The following RNASEH2A variants were observed in gnomAD, a reference collection of about 807,000 sequenced individuals.
RNASEH2A encodes the protein ribonuclease H2 subunit A, also known as RNase H(35).
In RNASEH2A, 30 loss-of-function variants were observed where a neutral mutation model predicts 32.7. The ratio of observed to expected loss-of-function variants is 0.92; its 90% CI spans 0.69 to 1.25. The LOEUF is 1.25. Ranked by LOEUF, RNASEH2A falls within the 50% of genes most tolerant of loss-of-function variation. The pLI, the probability that RNASEH2A is intolerant of heterozygous loss-of-function variation, is 0.00. For missense variants in RNASEH2A, 409 were observed against 398.1 expected (o/e 1.03, Z -0.23); for synonymous variants, 147 against 165.4 (o/e 0.89, Z 0.86).
Position 12,807,267 on chromosome 19 carries a change from C to T in RNASEH2A, c.261C>T (p.Asp87=), listed in dbSNP as rs776835503. The T allele has an allele frequency of 6.2e-7, 1 of 1,614,090 alleles. No individual in the cohort carries two copies. Among genetic ancestry groups the T allele is most frequent in the Non-Finnish European group, 8.5e-7 (1 of 1,180,054 alleles). ...TGTTTGCGAAAATGGAGGACACGGA[C>T]TTTGTCGGCTGGGCGCTGGATGTGC... is the stretch of plus-strand genomic sequence containing the variant. ...ERLFAKMEDT[D]FVGWALDVLS... is the part of the protein sequence containing the mutation. Residue 87 remains aspartate, a synonymous_variant, in exon 3 of 8, where the codon GAC becomes GAT. Coordinates refer to ENST00000221486, the MANE Select transcript of RNASEH2A (RefSeq NM_006397.3).
chr19:12,808,158 A>G (rs1433609106), intron 4 of RNASEH2A, among the ~76,000 whole-genome samples: 1 of 152,096 alleles, frequency 6.6e-6, no homozygotes, highest in African/African-American at 2.4e-5. Context: ...AGGCCGAGGC[A>G]GAAGAATTGC....
chr19:12,807,529 C>G, intron 4 of RNASEH2A, 23 bp downstream of exon 4: 2 of 1,595,166 alleles, frequency 1.3e-6, no homozygotes, highest in African/African-American at 1.3e-5. Context: ...TAAGTTGTCC[C>G]CATTTGGTCA....
At chr19:12,806,840 G>T (rs1455395456) in intron 1 of RNASEH2A, 40 bp downstream of exon 1, 2 of 1,592,288 alleles carry the variant, frequency 1.3e-6, no homozygotes, top group Admixed American at 3.6e-5. Flanking sequence ...GCGTGGTACG[G>T]AGGATGCGGG....
chr19:12,806,716 C>T lies in RNASEH2A; in HGVS notation c.43C>T (p.Arg15Cys), dbSNP rs780005912. ...GGAGAGAGACAATACAGGCCGCTGT[C>T]GCCTGAGTTCGCCTGTGCCCGCGGT... ...ELERDNTGRC[R>C]LSSPVPAVCR... The change falls in exon 1 of 8, where the codon CGC becomes TGC. Residue 15 changes from arginine (R) to cysteine (C), a missense_variant. Coordinates refer to ENST00000221486, the MANE Select transcript of RNASEH2A (RefSeq NM_006397.3). 1 of 1,567,470 alleles carries T rather than the reference C, an allele frequency of 6.4e-7. No homozygotes were observed. Among genetic ancestry groups the T allele is most frequent in the Non-Finnish European group, 8.7e-7 (1 of 1,155,968 alleles).
chr19:12,807,976 C>T (rs1969020425), intron 4 of RNASEH2A: 5 of 229,626 alleles, frequency 2.2e-5, no homozygotes, highest in Non-Finnish European at 3.5e-5. Flanking sequence ...GGAGACCAGG[C>T]GCAGTGGCTC....
intron 4 of RNASEH2A, among the ~76,000 whole-genome samples, chr19:12,808,718 A>C (rs544001809): frequency 1.3e-5 from 2 of 152,212 alleles, no homozygotes; most frequent in African/African-American, 4.8e-5. Context: ...GAAAAACATA[A>C]ATCAGCATTG....
chr19:12,807,087 C>G lies in RNASEH2A; in HGVS notation c.199+8C>G, dbSNP rs200834484. 3.0e-5 allele frequency: 49 copies of G among 1,614,098 alleles called. No individual in the cohort carries two copies. In the African/African-American group the frequency reaches 5.1e-4, roughly 17 times the overall value. ...AGGCGCTGAAAGTGGCAGGTGAGCC[C>G]GAGGTGTGCGTCTGGGGAAGGGATT... is the stretch of plus-strand genomic sequence containing the variant. On this transcript the variant is annotated splice_region_variant and intron_variant, in intron 2 of 7. Coordinates refer to ENST00000221486, the MANE Select transcript of RNASEH2A (RefSeq NM_006397.3).
At chr19:12,807,543 C>A (rs760428650) in intron 4 of RNASEH2A, 37 bp downstream of exon 4, 1 of 1,551,166 alleles carries the variant, frequency 6.4e-7, no homozygotes, top group Non-Finnish European at 8.9e-7. Context: ...TTGGTCATCT[C>A]AGGATAAAAT....
intron 4 of RNASEH2A, 51 bp downstream of exon 4, chr19:12,807,557 G>A (rs1177836448): frequency 1.4e-6 from 2 of 1,453,694 alleles, no homozygotes; most frequent in African/African-American, 1.4e-5. Flanking sequence ...ATAAAATGGG[G>A]ACAAAACAGG....
chr19:12,809,254 G>A (rs544669846), intron 4 of RNASEH2A, among the ~76,000 whole-genome samples: 1 of 152,290 alleles, frequency 6.6e-6, no homozygotes, highest in South Asian at 2.1e-4. Flanking sequence ...ATGGTCAGCT[G>A]GTAAACAAAA....
At position 12,810,149 on chromosome 19, in the gene RNASEH2A, G is replaced by A. The variant is rs904903620; in HGVS notation, c.490G>A (p.Val164Ile). The A allele has an allele frequency of 1.4e-5, 23 of 1,614,144 alleles. 1 individual carries two copies. Among genetic ancestry groups the A allele is most frequent in the South Asian group, 2.2e-5 (2 of 91,096 alleles). ...AAGTTTTCCCGGGATTGAGGTGACGGTCAAGGCCAAAGCAGATGCCCTCTA... is the reference window on the plus strand; with the variant it reads ...AAGTTTTCCCGGGATTGAGGTGACGATCAAGGCCAAAGCAGATGCCCTCTA... ...QQSFPGIEVT[V>I]KAKADALYPV... The change falls in exon 5 of 8, where the codon GTC (valine) becomes ATC (isoleucine). Residue 164 changes from valine to isoleucine, a missense_variant. Coordinates refer to ENST00000221486, the MANE Select transcript of RNASEH2A (RefSeq NM_006397.3).
At position 12,807,298 on chromosome 19, in the gene RNASEH2A, C is replaced by G. The variant is rs767046465; in HGVS notation, c.292C>G (p.Pro98Ala). The G allele has an allele frequency of 8.6e-5, 139 of 1,614,056 alleles. No individual in the cohort carries two copies. Among genetic ancestry groups the G allele is most frequent in the Non-Finnish European group, 1.1e-4 (128 of 1,180,044 alleles). ...FVGWALDVLS[P>A]NLISTSMLGR... Reference sequence around the variant, plus strand: ...CGGCTGGGCGCTGGATGTGCTGTCTCCAAACCTCATCTCTACCAGCATGCT... The same window carrying G: ...CGGCTGGGCGCTGGATGTGCTGTCTGCAAACCTCATCTCTACCAGCATGCT... The change falls in exon 3 of 8, where the codon CCA (proline) becomes GCA (alanine). Residue 98 changes from proline to alanine, a missense_variant. Transcript: ENST00000221486.
chr19:12,809,281 G>C (rs1304017372), intron 4 of RNASEH2A, among the ~76,000 whole-genome samples: 1 of 152,176 alleles, frequency 6.6e-6, no homozygotes, highest in African/African-American at 2.4e-5. Flanking sequence ...GGTTGTTTCT[G>C]AAAACAGTAG....
In RNASEH2A at chr19:12,810,213, G is replaced by A; in HGVS notation, c.549+5G>A. On this transcript the variant is annotated splice_donor_5th_base_variant and intron_variant, in intron 5 of 7. Coordinates refer to ENST00000221486, the MANE Select transcript of RNASEH2A (RefSeq NM_006397.3). ...GCTGCCAGCATCTGTGCCAAGGTCA[G>A]TACCCTACTAGCCATGGCTGGCTTC... The A allele has an allele frequency of 6.2e-7, 1 of 1,614,226 alleles. No homozygotes were observed.
chr19:12,809,316 C>T (rs1969039736), intron 4 of RNASEH2A, among the ~76,000 whole-genome samples: 1 of 152,196 alleles, frequency 6.6e-6, no homozygotes, highest in African/African-American at 2.4e-5. Flanking sequence ...CACTTTCCCC[C>T]AGCAGCTCTT....
At chr19:12,808,785 A>T (rs773175447) in intron 4 of RNASEH2A, among the ~76,000 whole-genome samples, 3 of 152,204 alleles carry the variant, frequency 2.0e-5, no homozygotes, top group Non-Finnish European at 2.9e-5. Flanking sequence ...AAGGCAAAAT[A>T]ACCTTGACGT....
Position 12,806,799 on chromosome 19 carries a change from G to T in RNASEH2A, c.126G>T (p.Leu42=). Residue 42 remains leucine (L), a splice_region_variant and synonymous_variant, in exon 1 of 8, where the codon CTG becomes CTT. Coordinates refer to ENST00000221486, the MANE Select transcript of RNASEH2A (RefSeq NM_006397.3). Reference sequence around the variant, plus strand: ...ATGAGGCGGGCAGGGGCCCCGTGCTGGGTGCGCCCCTAGGGCCAGGGAGGG... The same window carrying T: ...ATGAGGCGGGCAGGGGCCCCGTGCTTGGTGCGCCCCTAGGGCCAGGGAGGG... ...GVDEAGRGPV[L]GPMVYAICYC... The T allele has an allele frequency of 1.3e-6, 2 of 1,581,158 alleles. No individual in the cohort carries two copies. The highest frequency in any genetic ancestry group is 1.7e-6 in the Non-Finnish European group (2 of 1,163,942).
At position 12,810,481 on chromosome 19, in the gene RNASEH2A, C is replaced by T. The variant is rs901034954; in HGVS notation, c.637+77C>T. ...ACACTTCTGAGGTTTTCTTTTTTTC[C>T]TTTCTGTCATTTATCATTTTATTTT... On this transcript the variant is annotated intron_variant, in intron 6 of 7. Coordinates refer to ENST00000221486, the MANE Select transcript of RNASEH2A (RefSeq NM_006397.3). 3 of 1,222,684 alleles carry T rather than the reference C, an allele frequency of 2.5e-6. No individual in the cohort carries two copies. In the African/African-American group the frequency reaches 4.5e-5, roughly 18 times the overall value. 75.7% of individuals were successfully genotyped at this position (1,222,684 alleles called of 1,614,324 possible).
At chr19:12,811,457 A>T (rs7251330) in intron 6 of RNASEH2A, among the ~76,000 whole-genome samples, 14,044 of 151,884 alleles carry the variant, frequency 0.092, 748 homozygotes, top group African/African-American at 0.15. Flanking sequence ...TAAAAAATTT[A>T]AAAAATTAGC....
Sources: allele counts gnomAD v4.1 joint callset (sites outside exome capture counted in the v4.1 genomes callset), GRCh38; gene constraint gnomAD v4.1.1; transcripts MANE v1.5; gene names NCBI Gene and HGNC (gene_info 2026-07-23, HGNC 2026-07-21).